TXNRD2: variants seen among roughly 807,000 people sequenced by gnomAD.
The protein encoded by TXNRD2 is thioredoxin reductase 2, also known as thioredoxin reductase 2, mitochondrial.
In TXNRD2, 67 loss-of-function variants were observed where a neutral mutation model predicts 70.8. The observed-to-expected ratio is 0.95, with a 90% confidence interval of 0.78 to 1.16. The LOEUF is 1.16. Ranked by LOEUF, TXNRD2 falls within the 50% of genes most tolerant of loss-of-function variation. The pLI is 0.00. For missense variants in TXNRD2, 644 were observed against 719.9 expected (o/e 0.89, Z 1.21); for synonymous variants, 301 against 295.8 (o/e 1.02, Z -0.18).
At chr22:19,903,715 G>C (rs1437694088) in intron 8 of TXNRD2, among the ~76,000 whole-genome samples, 1 of 152,218 alleles carries the variant, frequency 6.6e-6, no homozygotes, top group East Asian at 1.9e-4. Flanking sequence ...CCGACCCCCA[G>C]TGCCTGCCTC....
rs532343610 is a variant in TXNRD2 at position 19,892,118 on chromosome 22, G to A, written c.949+3289C>T. 9.8e-5 allele frequency among the ~76,000 whole-genome samples: 15 copies of A among 152,374 alleles called. No homozygotes were observed. In the South Asian group the frequency reaches 2.3e-3, roughly 23 times the overall value. The stretch of plus-strand genomic sequence containing the variant: ...GCTTGTGCGGACGTAGTGCACACCC[G>A]GTACAGGAAGCAGAGTCGGAGATGT... On this transcript the variant is annotated intron_variant, in intron 11 of 17. Transcript: ENST00000400521.
chr22:19,887,459 C>A (rs1409892788), intron 11 of TXNRD2: 2 of 152,234 alleles, frequency 1.3e-5, no homozygotes, highest in Admixed American at 6.5e-5. Context: ...AGGATCCACA[C>A]CAGTTTAAGC....
At chr22:19,899,853 A>G (rs3788313) in intron 8 of TXNRD2, among the ~76,000 whole-genome samples, 6,531 of 152,278 alleles carry the variant, frequency 0.043, 184 homozygotes, top group South Asian at 0.063. Context: ...ATGTAGACAC[A>G]TGCATGCACA....
intron 2 of TXNRD2, among the ~76,000 whole-genome samples, chr22:19,922,099 T>C (rs1940940218): frequency 6.6e-6 from 1 of 152,072 alleles, no homozygotes; most frequent in South Asian, 2.1e-4. Context: ...TTCAAGTGTC[T>C]GGCATTCAAC....
chr22:19,892,796 G>A (rs1446080721), intron 11 of TXNRD2, among the ~76,000 whole-genome samples: 1 of 152,228 alleles, frequency 6.6e-6, no homozygotes, highest in East Asian at 1.9e-4. Context: ...GGGAATGACA[G>A]TAGGAGGATA....
chr22:19,936,329 C>G (rs1310495370), intron 1 of TXNRD2, among the ~76,000 whole-genome samples: 7 of 152,164 alleles, frequency 4.6e-5, no homozygotes, highest in Admixed American at 2.6e-4. Flanking sequence ...ACTCCTCCCC[C>G]ACCTGACGAT....
chr22:19,909,871 C>CACTCACACACCCT (rs1555911624), intron 8 of TXNRD2, among the ~76,000 whole-genome samples: 2 of 55,654 alleles, frequency 3.6e-5, no homozygotes. Flanking sequence ...ACACACACAC[C>CACTCACACACCCT]ACTCACACAC....
intron 16 of TXNRD2, among the ~76,000 whole-genome samples, 175 bp from the exon 17 acceptor site, chr22:19,877,409 C>G (rs1938559441): frequency 6.6e-6 from 1 of 152,112 alleles, no homozygotes; most frequent in South Asian, 2.1e-4. Context: ...CACCTCCCTC[C>G]CAGCAGATGC....
chr22:19,912,255 A>C (rs1940445469), intron 7 of TXNRD2, among the ~76,000 whole-genome samples: 1 of 152,238 alleles, frequency 6.6e-6, no homozygotes, highest in African/African-American at 2.4e-5. Flanking sequence ...GGCAAAAAAA[A>C]ATAAAGTCAG....
chr22:19,885,525 C>T (rs556847837), intron 11 of TXNRD2, among the ~76,000 whole-genome samples: 4 of 152,298 alleles, frequency 2.6e-5, no homozygotes, highest in Admixed American at 2.0e-4. Context: ...TGGCACCGGT[C>T]GGGGATCAGC....
chr22:19,939,617 C>T (rs780420405), intron 1 of TXNRD2, among the ~76,000 whole-genome samples: 5 of 152,216 alleles, frequency 3.3e-5, no homozygotes, highest in Admixed American at 6.5e-5. Flanking sequence ...TACAGATGAC[C>T]GTTGCACCGC....
At chr22:19,941,607 C>G in intron 1 of TXNRD2, 94 bp downstream of exon 1, 2 of 1,350,868 alleles carry the variant, frequency 1.5e-6, no homozygotes, top group South Asian at 1.9e-5. Flanking sequence ...GGCACCCCCA[C>G]GGGGACACCC....
intron 7 of TXNRD2, among the ~76,000 whole-genome samples, chr22:19,912,413 C>T (rs917853217): frequency 1.3e-5 from 2 of 152,212 alleles, no homozygotes; most frequent in African/African-American, 2.4e-5. Flanking sequence ...ACCAGGAGCG[C>T]CTGCTGGATC....
chr22:19,918,172 G>A lies in TXNRD2; in HGVS notation c.420C>T (p.Asn140=). 4 of 1,614,206 alleles carry A rather than the reference G, an allele frequency of 2.5e-6. No homozygotes were observed. The highest frequency in any genetic ancestry group is 3.4e-6 in the Non-Finnish European group (4 of 1,180,026). The change falls in exon 5 of 18, where the codon AAC becomes AAT. Residue 140 remains asparagine, a synonymous_variant. Coordinates refer to ENST00000400521, the MANE Select transcript of TXNRD2 (RefSeq NM_006440.5). ...CCTGAAGCTGGACACGGTGGCCCCA[G>A]TTCAAGGATTTCACGTGATTTTGAA... ...EAVQNHVKSL[N]WGHRVQLQDR... is the part of the protein sequence containing the mutation.
At chr22:19,902,292 A>G (rs970733238) in intron 8 of TXNRD2, among the ~76,000 whole-genome samples, 3 of 152,206 alleles carry the variant, frequency 2.0e-5, no homozygotes, top group African/African-American at 7.2e-5. Flanking sequence ...CATAATAACT[A>G]CTGCAGGATG....
chr22:19,932,508 G>T, intron 1 of TXNRD2: 1 of 1,573,156 alleles, frequency 6.4e-7, no homozygotes, highest in Non-Finnish European at 8.6e-7. Context: ...GGACTGGAGG[G>T]AGGAAGTAGA....
At chr22:19,889,138 G>A (rs11089316) in intron 11 of TXNRD2, among the ~76,000 whole-genome samples, 2 of 152,128 alleles carry the variant, frequency 1.3e-5, no homozygotes, top group Non-Finnish European at 2.9e-5. Context: ...CGGCTCCTTG[G>A]GGGGTGGGGG....
chr22:19,897,659 G>T (rs1339480355), intron 10 of TXNRD2, among the ~76,000 whole-genome samples: 1 of 152,160 alleles, frequency 6.6e-6, no homozygotes, highest in Non-Finnish European at 1.5e-5. Flanking sequence ...CCTCAGAGGG[G>T]ACAGGCAAGG....
chr22:19,885,227 C>T (rs1181222597), intron 11 of TXNRD2, among the ~76,000 whole-genome samples: 2 of 152,192 alleles, frequency 1.3e-5, no homozygotes, highest in African/African-American at 2.4e-5. Flanking sequence ...CAGGTGCTCT[C>T]GGCTCCCAGG....
Sources: gnomAD v4.1 joint callset for allele counts (sites outside exome capture counted in the v4.1 genomes callset) on GRCh38, gnomAD v4.1.1 for gene constraint, MANE v1.5 for transcripts, NCBI Gene and HGNC (gene_info 2026-07-23, HGNC 2026-07-21) for gene names.